The following ZNF385B variants were observed in gnomAD, a reference collection of about 807,000 sequenced individuals.
The protein encoded by ZNF385B is zinc finger protein 533.
Under a neutral mutation model 39.2 loss-of-function variants are expected in ZNF385B, and 23 were observed. The ratio of observed to expected loss-of-function variants is 0.59; its 90% CI spans 0.42 to 0.83. The LOEUF is 0.83. Ranked by LOEUF, ZNF385B falls within the 40% of genes least tolerant of loss-of-function variation. The pLI is 0.00. For synonymous variants in ZNF385B, 205 were observed against 222.6 expected (o/e 0.92, Z 0.70); for missense variants, 552 against 598.9 (o/e 0.92, Z 0.82).
intron 3 of ZNF385B, among the ~76,000 whole-genome samples, chr2:179,635,830 G>A (rs1691701936): frequency 6.6e-6 from 1 of 151,902 alleles, no homozygotes; most frequent in Admixed American, 6.6e-5. Flanking sequence ...CCTCTGGTGC[G>A]ATTGACCAGA....
At chr2:179,830,100 A>C (rs1707901442) in intron 1 of ZNF385B, among the ~76,000 whole-genome samples, 1 of 152,262 alleles carries the variant, frequency 6.6e-6, no homozygotes, top group African/African-American at 2.4e-5. Context: ...GATGATAGGC[A>C]TATTGAAAGA....
chr2:179,687,241 A>G (rs1215280700), intron 3 of ZNF385B, among the ~76,000 whole-genome samples: 3 of 151,214 alleles, frequency 2.0e-5, no homozygotes. Context: ...GACGACTATT[A>G]CTAGATGATC....
rs547916696 is a variant in ZNF385B at position 179,847,756 on chromosome 2, TGTGGTATTAGTAGCA to T, written c.-155+13330_-155+13344del. 1.3e-4 allele frequency among the ~76,000 whole-genome samples: 20 copies of T among 152,268 alleles called. 1 individual carries two copies. In the East Asian group the frequency reaches 3.3e-3, roughly 25 times the overall value. ...TGGAAGGGACTAGAGTAAAGAAGCATGTGGTATTAGTAGCAGATTACCCCTTCTCTGACCCCTCAG... is the reference window on the plus strand; with the variant it reads ...TGGAAGGGACTAGAGTAAAGAAGCATGATTACCCCTTCTCTGACCCCTCAG... On this transcript the variant is annotated intron_variant, in intron 1 of 9. Coordinates refer to ENST00000410066, the MANE Select transcript of ZNF385B (RefSeq NM_152520.6).
intron 1 of ZNF385B, among the ~76,000 whole-genome samples, chr2:179,824,890 AC>A (rs1359228936): frequency 2.0e-5 from 3 of 152,026 alleles, no homozygotes; most frequent in Non-Finnish European, 4.4e-5. Context: ...AAAAAAAAAA[AC>A]ATTTTGGCAA....
chr2:179,764,290 C>G (rs540498244), intron 3 of ZNF385B, among the ~76,000 whole-genome samples: 1 of 152,158 alleles, frequency 6.6e-6, no homozygotes, highest in South Asian at 2.1e-4. Context: ...TTTTAAATTA[C>G]TGTTTGCATG....
In ZNF385B at chr2:179,593,019, T is replaced by C. The variant is rs187274936; in HGVS notation, c.299-48050A>G. Among the ~76,000 whole-genome samples, 390 of 152,264 alleles carry C rather than the reference T, an allele frequency of 2.6e-3. 3 individuals are homozygous for C. The highest frequency in any genetic ancestry group is 8.3e-3 in the African/African-American group (347 of 41,562). ...TATCCAACCCACCATAAAAAGTTACTGTTCAAAGGGAAGACAAAGGAAATA... is the reference window on the plus strand; with the variant it reads ...TATCCAACCCACCATAAAAAGTTACCGTTCAAAGGGAAGACAAAGGAAATA... On this transcript the variant is annotated intron_variant, in intron 3 of 9. Coordinates refer to ENST00000410066, the MANE Select transcript of ZNF385B (RefSeq NM_152520.6).
chr2:179,716,286 T>C (rs1386343166), intron 3 of ZNF385B, among the ~76,000 whole-genome samples: 1 of 152,194 alleles, frequency 6.6e-6, no homozygotes, highest in African/African-American at 2.4e-5. Flanking sequence ...GTTTTCATAA[T>C]AGAGTAGGTC....
chr2:179,637,714 TGTGGGGTGGG>T (rs1407081228), intron 3 of ZNF385B, among the ~76,000 whole-genome samples: 2 of 118,758 alleles, frequency 1.7e-5, no homozygotes, highest in African/African-American at 6.4e-5. Context: ...AACTAGCAAA[TGTGGGGTGGG>T]GTGGGGTGGG....
intron 3 of ZNF385B, among the ~76,000 whole-genome samples, chr2:179,768,632 C>CATTTGG (rs1271717690): frequency 6.6e-6 from 1 of 152,184 alleles, no homozygotes; most frequent in Non-Finnish European, 1.5e-5. Flanking sequence ...TCTTCCCCCA[C>CATTTGG]ATTTGGGAGG....
chr2:179,474,288 T>A (rs539865864), intron 6 of ZNF385B, among the ~76,000 whole-genome samples: 50 of 152,238 alleles, frequency 3.3e-4, no homozygotes, highest in African/African-American at 1.1e-3. Flanking sequence ...TGGTAGTAAG[T>A]TTGATGGACA....
intron 1 of ZNF385B, among the ~76,000 whole-genome samples, chr2:179,805,077 G>A (rs913286935): frequency 1.3e-5 from 2 of 152,178 alleles, no homozygotes; most frequent in Non-Finnish European, 2.9e-5. Flanking sequence ...TGAGGTGAAA[G>A]TGATATCCTG....
At chr2:179,521,798 A>G (rs1157251650) in intron 4 of ZNF385B, among the ~76,000 whole-genome samples, 1 of 152,146 alleles carries the variant, frequency 6.6e-6, no homozygotes, top group East Asian at 1.9e-4. Context: ...GCTACTTGTC[A>G]TTAACTTTTT....
intron 3 of ZNF385B, among the ~76,000 whole-genome samples, chr2:179,573,467 A>G (rs1028178479): frequency 6.6e-6 from 1 of 152,172 alleles, no homozygotes; most frequent in African/African-American, 2.4e-5. Context: ...ACTAAAGGAT[A>G]GGTTCAGTTT....
chr2:179,563,075 G>A (rs1368001591), intron 3 of ZNF385B, among the ~76,000 whole-genome samples: 4 of 152,138 alleles, frequency 2.6e-5, no homozygotes, highest in Non-Finnish European at 5.9e-5. Context: ...TAGGGCAGAT[G>A]TCAATTTGAT....
intron 5 of ZNF385B, among the ~76,000 whole-genome samples, chr2:179,508,841 T>C (rs544377187): frequency 6.6e-6 from 1 of 152,280 alleles, no homozygotes; most frequent in Admixed American, 6.5e-5. Context: ...ATGTTAGACA[T>C]CTATGTATTT....
At chr2:179,569,488 G>A (rs1017042259) in intron 3 of ZNF385B, among the ~76,000 whole-genome samples, 9 of 152,112 alleles carry the variant, frequency 5.9e-5, no homozygotes, top group Non-Finnish European at 8.8e-5. Flanking sequence ...CAAATCTCAC[G>A]GTGCCTTTAA....
chr2:179,623,800 C>A (rs554508612), intron 3 of ZNF385B, among the ~76,000 whole-genome samples: 1 of 152,294 alleles, frequency 6.6e-6, no homozygotes, highest in East Asian at 1.9e-4. Flanking sequence ...GCCTTTTCAA[C>A]AAATTTCTTT....
intron 1 of ZNF385B, among the ~76,000 whole-genome samples, chr2:179,789,078 T>C (rs1276425920): frequency 6.6e-6 from 1 of 152,178 alleles, no homozygotes; most frequent in Non-Finnish European, 1.5e-5. Context: ...TAATGTTACA[T>C]TTGATGACAT....
intron 3 of ZNF385B, among the ~76,000 whole-genome samples, chr2:179,641,367 C>T (rs1692254221): frequency 6.6e-6 from 1 of 152,198 alleles, no homozygotes; most frequent in Middle Eastern, 3.4e-3. Context: ...TTTCTGCAGG[C>T]AAAACAACTG....
Sources: allele counts gnomAD v4.1 joint callset (sites outside exome capture counted in the v4.1 genomes callset), GRCh38; gene constraint gnomAD v4.1.1; transcripts MANE v1.5; gene names NCBI Gene and HGNC (gene_info 2026-07-23, HGNC 2026-07-21).